The following ST6GAL1 variants were observed in gnomAD, a reference collection of about 807,000 sequenced individuals.
ST6GAL1 encodes the protein beta-galactoside alpha-2,6-sialyltransferase 1.
In ST6GAL1, 20 loss-of-function variants were observed where a neutral mutation model predicts 38.0. The observed-to-expected ratio is 0.53, with a 90% CI of 0.37 to 0.77. The LOEUF (loss-of-function observed/expected upper bound fraction) is 0.77. Ranked by LOEUF, ST6GAL1 falls within the 30% of genes least tolerant of loss-of-function variation. The pLI is 0.00. For synonymous variants in ST6GAL1, 196 were observed against 188.2 expected (o/e 1.04, Z -0.34); for missense variants, 432 against 496.4 (o/e 0.87, Z 1.23).
intron 1 of ST6GAL1, among the ~76,000 whole-genome samples, chr3:186,931,853 C>A (rs1439885486): frequency 6.6e-6 from 1 of 152,234 alleles, no homozygotes; most frequent in Non-Finnish European, 1.5e-5. Context: ...ATTTTCAGTT[C>A]TGAGTTTATT....
At chr3:186,985,608 A>T (rs1335332772) in intron 2 of ST6GAL1, among the ~76,000 whole-genome samples, 2 of 80,816 alleles carry the variant, frequency 2.5e-5, no homozygotes, top group Admixed American at 1.4e-4. Context: ...TTCAAAAAGT[A>T]AAAAAAAAAA....
intron 5 of ST6GAL1, chr3:187,071,838 C>G (rs1468855651): frequency 3.3e-5 from 5 of 150,164 alleles, no homozygotes; most frequent in Admixed American, 3.3e-4. Context: ...CTTATTTGCT[C>G]AAGATCATAG....
intron 5 of ST6GAL1, among the ~76,000 whole-genome samples, chr3:187,053,412 C>T (rs1718582039): frequency 6.6e-6 from 1 of 152,086 alleles, no homozygotes; most frequent in Non-Finnish European, 1.5e-5. Flanking sequence ...GGTTTTCTTC[C>T]AGGGTTTTTA....
At chr3:186,967,559 A>G (rs1454153566) in intron 2 of ST6GAL1, among the ~76,000 whole-genome samples, 2 of 152,194 alleles carry the variant, frequency 1.3e-5, no homozygotes, top group African/African-American at 4.8e-5. Context: ...GGAGGGAGTC[A>G]GGGTCTTTGG....
intron 5 of ST6GAL1, among the ~76,000 whole-genome samples, chr3:187,071,479 G>A (rs1719368852): frequency 6.6e-6 from 1 of 151,668 alleles, no homozygotes. Context: ...GCCGGGCGCG[G>A]TGGCTCATGC....
At chr3:187,068,942 C>A (rs1472455816) in intron 5 of ST6GAL1, among the ~76,000 whole-genome samples, 1 of 152,220 alleles carries the variant, frequency 6.6e-6, no homozygotes, top group Non-Finnish European at 1.5e-5. Flanking sequence ...TCACGTCTAT[C>A]TTACAAATCC....
Position 186,955,935 on chromosome 3 carries a change from C to T in ST6GAL1, c.-324-7850C>T, listed in dbSNP as rs1009270904. 3.3e-5 allele frequency among the ~76,000 whole-genome samples: 5 copies of T among 152,078 alleles called. No homozygotes were observed. The South Asian group carries it at 6.2e-4, about 19-fold the overall frequency. ...GTGGATGGGAGTTCATTCATGATTT[C>T]GCTCTCTGCTTGTGTTTTGCTGGTG... On this transcript the variant is annotated intron_variant, in intron 1 of 7. Transcript: ENST00000169298.
At chr3:187,035,879 T>C (rs56906762) in intron 2 of ST6GAL1, among the ~76,000 whole-genome samples, 66,685 of 151,908 alleles carry the variant, frequency 0.44, 15,568 homozygotes, top group African/African-American at 0.58. Context: ...TAAAAGCAAC[T>C]GCAACAGAAA....
rs997232709 is a variant in ST6GAL1, at chr3:186,947,136, A to G, written c.-325+16302A>G. Among the ~76,000 whole-genome samples the G allele has an allele frequency of 1.6e-4, 24 of 152,154 alleles. 1 individual carries two copies. Among genetic ancestry groups the G allele is most frequent in the Admixed American group, 1.4e-3 (21 of 15,278 alleles). On this transcript the variant is annotated intron_variant, in intron 1 of 7. Coordinates refer to ENST00000169298, the MANE Select transcript of ST6GAL1 (RefSeq NM_173216.2). Reference sequence around the variant, plus strand: ...TGGAGAAGCAAGGATGAAGGAAAACATGGCTGCTGTTAATACAGTGTGCAC... The same window carrying G: ...TGGAGAAGCAAGGATGAAGGAAAACGTGGCTGCTGTTAATACAGTGTGCAC...
At chr3:187,006,209 G>A (rs1306982247) in intron 2 of ST6GAL1, 2 of 152,088 alleles carry the variant, frequency 1.3e-5, no homozygotes, top group African/African-American at 4.8e-5. Context: ...TCATTCCGTC[G>A]GCTCCTTGTA....
At chr3:186,943,126 G>A (rs993884519) in intron 1 of ST6GAL1, among the ~76,000 whole-genome samples, 23 of 152,208 alleles carry the variant, frequency 1.5e-4, no homozygotes, top group African/African-American at 5.5e-4. Flanking sequence ...TATGATTTGG[G>A]TGTGCACAGA....
intron 5 of ST6GAL1, among the ~76,000 whole-genome samples, chr3:187,065,370 C>T (rs1035016818): frequency 1.3e-5 from 2 of 152,028 alleles, no homozygotes; most frequent in Non-Finnish European, 2.9e-5. Flanking sequence ...ATGATGAAGG[C>T]ATGCAAAACA....
At chr3:186,936,136 G>A (rs1431594317) in intron 1 of ST6GAL1, among the ~76,000 whole-genome samples, 1 of 152,152 alleles carries the variant, frequency 6.6e-6, no homozygotes, top group Non-Finnish European at 1.5e-5. Flanking sequence ...CAGGAGCTCA[G>A]AGAAAATTGA....
chr3:186,933,968 C>G (rs1241355126), intron 1 of ST6GAL1, among the ~76,000 whole-genome samples: 1 of 152,298 alleles, frequency 6.6e-6, no homozygotes, highest in South Asian at 2.1e-4. Context: ...GTTCACTTTA[C>G]TCTTGTGCTG....
intron 4 of ST6GAL1, among the ~76,000 whole-genome samples, chr3:187,045,345 C>T (rs1214977454): frequency 6.6e-6 from 1 of 151,510 alleles, no homozygotes; most frequent in Non-Finnish European, 1.5e-5. Context: ...TAATAACATA[C>T]TCTGCCTCCA....
At chr3:187,044,762 C>T (rs938005401) in intron 4 of ST6GAL1, among the ~76,000 whole-genome samples, 1 of 152,152 alleles carries the variant, frequency 6.6e-6, no homozygotes, top group African/African-American at 2.4e-5. Flanking sequence ...AGAACTACAG[C>T]TTTAATTTTA....
At chr3:186,970,692 A>C (rs1715319344) in intron 2 of ST6GAL1, among the ~76,000 whole-genome samples, 1 of 152,122 alleles carries the variant, frequency 6.6e-6, no homozygotes, top group Non-Finnish European at 1.5e-5. Context: ...CACTCATCAT[A>C]ATGCCCTTCA....
chr3:187,007,216 A>G lies in ST6GAL1; in HGVS notation c.-182-31526A>G, dbSNP rs71322429. On this transcript the variant is annotated intron_variant, in intron 2 of 7. Coordinates refer to ENST00000169298, the MANE Select transcript of ST6GAL1 (RefSeq NM_173216.2). ...TAACTCCATCTTTCTAACTAGAGGAAGCAGGGGGGAAAAGCCACTGGAAGC... is the reference window on the plus strand; with the variant it reads ...TAACTCCATCTTTCTAACTAGAGGAGGCAGGGGGGAAAAGCCACTGGAAGC... Among the ~76,000 whole-genome samples the G allele has an allele frequency of 6.9e-3, 1,049 of 152,342 alleles. 10 individuals are homozygous for G. Among genetic ancestry groups the G allele is most frequent in the Non-Finnish European group, 9.0e-3 (612 of 68,028 alleles).
At chr3:187,055,433 G>A (rs572268698) in intron 5 of ST6GAL1, among the ~76,000 whole-genome samples, 1 of 152,122 alleles carries the variant, frequency 6.6e-6, no homozygotes, top group Middle Eastern at 3.4e-3. Flanking sequence ...GCTTTCTCTT[G>A]TGGGCATTTA....
Sources: gnomAD v4.1 joint callset for allele counts (sites outside exome capture counted in the v4.1 genomes callset) on GRCh38, gnomAD v4.1.1 for gene constraint, MANE v1.5 for transcripts, NCBI Gene and HGNC (gene_info 2026-07-23, HGNC 2026-07-21) for gene names.